DAB1: variants seen among roughly 807,000 people sequenced by gnomAD.
The protein encoded by DAB1 is disabled homolog 1.
DAB1 carries 15 observed loss-of-function variants against 64.6 expected under a neutral mutation model. The observed-to-expected ratio is 0.23, with a 90% confidence interval of 0.16 to 0.36. The LOEUF is 0.36. DAB1 is among the 10% of genes least tolerant of loss of function. The probability of loss-of-function intolerance (pLI) is 1.00; values close to 1 mark genes in which losing one functional copy is unlikely to be tolerated. For missense variants in DAB1, 596 were observed against 706.7 expected (o/e 0.84, Z 1.78); for synonymous variants, 235 against 251.9 (o/e 0.93, Z 0.64).
chr1:57,217,831 TC>T (rs942213654), intron 2 of DAB1, among the ~76,000 whole-genome samples: 1 of 151,526 alleles, frequency 6.6e-6, no homozygotes, highest in East Asian at 1.9e-4. Context: ...CACCTACCAA[TC>T]CCCCCACCCC....
chr1:57,176,402 T>C (rs1453776169), intron 2 of DAB1, among the ~76,000 whole-genome samples: 1 of 151,910 alleles, frequency 6.6e-6, no homozygotes, highest in African/African-American at 2.4e-5. Context: ...AACCATCATA[T>C]CTCATGAGAC....
chr1:57,252,059 C>T lies in DAB1; in HGVS notation c.67+38905G>A, dbSNP rs576455545. On this transcript the variant is annotated intron_variant, in intron 2 of 14. Transcript: ENST00000371236. The stretch of plus-strand genomic sequence containing the variant: ...GGATAAGTCACAGCTATTGTTACCC[C>T]AATATTAGTGAATCGAAGACTTCAA... 1.4e-4 allele frequency among the ~76,000 whole-genome samples: 21 copies of T among 152,294 alleles called. No individual in the cohort carries two copies. The South Asian group carries it at 2.5e-3, about 18-fold the overall frequency.
intron 4 of DAB1, among the ~76,000 whole-genome samples, chr1:58,309,892 C>T (rs1662388762): frequency 6.6e-6 from 1 of 152,182 alleles, no homozygotes; most frequent in Non-Finnish European, 1.5e-5. Context: ...GAAGCTCACA[C>T]TGGAGACTAA....
At chr1:57,002,325 G>T (rs1645898990) in intron 14 of DAB1, among the ~76,000 whole-genome samples, 1 of 152,170 alleles carries the variant, frequency 6.6e-6, no homozygotes, top group Non-Finnish European at 1.5e-5. Flanking sequence ...CACATCTGTA[G>T]TTGAACATGT....
At chr1:57,381,195 G>A (rs558169299) in intron 1 of DAB1, among the ~76,000 whole-genome samples, 12 of 152,194 alleles carry the variant, frequency 7.9e-5, no homozygotes, top group Admixed American at 7.8e-4. Context: ...ATCTTCACAT[G>A]GTTGGTTTTA....
chr1:57,908,714 C>A (rs1008433497), intron 5 of DAB1, among the ~76,000 whole-genome samples: 4 of 152,134 alleles, frequency 2.6e-5, no homozygotes, highest in Non-Finnish European at 5.9e-5. Flanking sequence ...GGCCTCATAA[C>A]CAGGGTCTGT....
intron 2 of DAB1, among the ~76,000 whole-genome samples, chr1:57,179,598 T>A (rs907510955): frequency 3.3e-5 from 5 of 152,214 alleles, no homozygotes; most frequent in African/African-American, 1.2e-4. Flanking sequence ...TATTGAAAAG[T>A]GGCTGTATTC....
chr1:57,055,726 C>G (rs1649682429), intron 9 of DAB1, among the ~76,000 whole-genome samples: 1 of 152,142 alleles, frequency 6.6e-6, no homozygotes, highest in Admixed American at 6.5e-5. Context: ...GGCTCTAAGA[C>G]AGAGGTTGAG....
intron 5 of DAB1, among the ~76,000 whole-genome samples, chr1:57,912,704 G>T (rs866582117): frequency 6.6e-6 from 1 of 151,912 alleles, no homozygotes; most frequent in African/African-American, 2.4e-5. Context: ...CCATCGTCTC[G>T]GCCCAAAATC....
rs79416688 is a variant in DAB1, at chr1:57,573,623, G to A, written n.625+75969C>T. Reference sequence around the variant, plus strand: ...TTAGGATAATCTCTTAACTATGTCTGATAAGTATTCATTGTGGTATAAATC... The same window carrying A: ...TTAGGATAATCTCTTAACTATGTCTAATAAGTATTCATTGTGGTATAAATC... On this transcript the variant is annotated intron_variant and non_coding_transcript_variant, in intron 7 of 20. Transcript: ENST00000485760. 1.4e-4 allele frequency among the ~76,000 whole-genome samples: 21 copies of A among 152,244 alleles called. No homozygotes were observed. The East Asian group carries it at 4.0e-3, about 29-fold the overall frequency.
In DAB1 at chr1:57,796,431, G is replaced by A. The variant is rs1050329349; in HGVS notation, n.551+87568C>T. Among the ~76,000 whole-genome samples, 4 of 152,070 alleles carry A rather than the reference G, an allele frequency of 2.6e-5. No homozygotes were observed. In the East Asian group the frequency reaches 7.7e-4, roughly 29 times the overall value. ...AGTCCCAACTACTCGGGAGGCTGAGGCAGGAGAACGGCATGAACCCGGGAG... is the reference window on the plus strand; with the variant it reads ...AGTCCCAACTACTCGGGAGGCTGAGACAGGAGAACGGCATGAACCCGGGAG... On this transcript the variant is annotated intron_variant and non_coding_transcript_variant, in intron 6 of 20. Transcript: ENST00000485760.
At chr1:57,174,429 A>T (rs1662091607) in intron 2 of DAB1, among the ~76,000 whole-genome samples, 1 of 152,212 alleles carries the variant, frequency 6.6e-6, no homozygotes, top group African/African-American at 2.4e-5. Context: ...TATGCCCTTT[A>T]TTCCCAGCAG....
At chr1:57,940,878 A>T (rs946727884) in intron 5 of DAB1, among the ~76,000 whole-genome samples, 4 of 152,332 alleles carry the variant, frequency 2.6e-5, no homozygotes, top group Middle Eastern at 3.4e-3. Context: ...CTCCAGTGAT[A>T]TGTTTAGGCA....
intron 7 of DAB1, among the ~76,000 whole-genome samples, chr1:57,485,369 T>C (rs1570564061): frequency 6.6e-6 from 1 of 152,346 alleles, no homozygotes; most frequent in East Asian, 1.9e-4. Context: ...CCCTCTCTGA[T>C]CTTCGGTTTC....
intron 5 of DAB1, among the ~76,000 whole-genome samples, chr1:57,995,125 G>A (rs11207145): frequency 0.057 from 8,743 of 152,222 alleles, 429 homozygotes; most frequent in South Asian, 0.13. Context: ...GAAAGGCAAA[G>A]ACAGTAGTTT....
chr1:57,937,278 G>T (rs979796225), intron 5 of DAB1, among the ~76,000 whole-genome samples: 2 of 152,106 alleles, frequency 1.3e-5, no homozygotes, highest in African/African-American at 2.4e-5. Context: ...GGGATGCAGG[G>T]TGAAGAGTGG....
intron 2 of DAB1, among the ~76,000 whole-genome samples, chr1:57,187,337 T>C (rs1035721590): frequency 2.6e-5 from 4 of 152,224 alleles, no homozygotes; most frequent in African/African-American, 7.2e-5. Flanking sequence ...CATTCCTTAT[T>C]ATGTAGACAT....
At chr1:57,489,726 A>G (rs546729466) in intron 7 of DAB1, among the ~76,000 whole-genome samples, 6 of 152,186 alleles carry the variant, frequency 3.9e-5, no homozygotes, top group Non-Finnish European at 8.8e-5. Context: ...ATATAGGTAA[A>G]CTGATTAAAT....
intron 7 of DAB1, among the ~76,000 whole-genome samples, chr1:57,569,192 G>A (rs1645162687): frequency 7.1e-6 from 1 of 141,184 alleles, no homozygotes; most frequent in African/African-American, 2.6e-5. Flanking sequence ...CCAGGGGGCG[G>A]AGCCTGCAGT....
Sources: gnomAD v4.1 joint callset for allele counts (sites outside exome capture counted in the v4.1 genomes callset) on GRCh38, gnomAD v4.1.1 for gene constraint, MANE v1.5 for transcripts, NCBI Gene and HGNC (gene_info 2026-07-23, HGNC 2026-07-21) for gene names.